The following DIAPH3 variants were observed in gnomAD, a reference collection of about 807,000 sequenced individuals.
DIAPH3 encodes the protein diaphanous related formin 3.
DIAPH3 carries 117 observed loss-of-function variants against 144.3 expected under a neutral mutation model. The observed-to-expected ratio is 0.81, with a 90% confidence interval of 0.70 to 0.95. The LOEUF (loss-of-function observed/expected upper bound fraction) is 0.95, where lower values mean the gene tolerates loss of function less well. Ranked by LOEUF, DIAPH3 falls within the 40% of genes least tolerant of loss-of-function variation. DIAPH3 has a pLI of 0.00. For synonymous variants in DIAPH3, 519 were observed against 488.9 expected, an observed-to-expected ratio of 1.06 and a Z score of -0.81; for missense variants, 1,421 against 1,412.7, an observed-to-expected ratio of 1.01 and a Z score of -0.09.
intron 27 of DIAPH3, among the ~76,000 whole-genome samples, chr13:59,767,394 A>G (rs2037910225): frequency 6.6e-6 from 1 of 152,328 alleles, no homozygotes; most frequent in Middle Eastern, 3.4e-3. Flanking sequence ...CAAATCAGTA[A>G]TCAAACGACA....
intron 24 of DIAPH3, among the ~76,000 whole-genome samples, chr13:59,813,614 C>T (rs1271904419): frequency 3.9e-5 from 6 of 152,002 alleles, no homozygotes; most frequent in South Asian, 2.1e-4. Flanking sequence ...CCAGCACTTT[C>T]GGAGGCCAAG....
At chr13:59,946,813 T>C (rs2048822070) in intron 17 of DIAPH3, among the ~76,000 whole-genome samples, 1 of 152,100 alleles carries the variant, frequency 6.6e-6, no homozygotes, top group South Asian at 2.1e-4. Context: ...TAAAATAAAA[T>C]GTAATACAAA....
chr13:60,044,938 C>T (rs2055960144), intron 4 of DIAPH3, among the ~76,000 whole-genome samples: 1 of 152,162 alleles, frequency 6.6e-6, no homozygotes, highest in African/African-American at 2.4e-5. Flanking sequence ...GCACTTCTTG[C>T]CTGCTGCCAT....
intron 1 of DIAPH3, among the ~76,000 whole-genome samples, chr13:60,134,624 T>C (rs985392689): frequency 2.6e-5 from 4 of 152,210 alleles, no homozygotes; most frequent in African/African-American, 7.2e-5. Flanking sequence ...CATTTCACTC[T>C]TGTTATTCCA....
Position 60,093,765 on chromosome 13 carries a change from A to AAGAT in DIAPH3, c.391-34_391-33insATCT, listed in dbSNP as rs769301480. On this transcript the variant is annotated intron_variant, in intron 3 of 27. Coordinates refer to ENST00000400324, the MANE Select transcript of DIAPH3 (RefSeq NM_001042517.2). ...ACACAATTAAAATGCCTCATTTTAG[A>AAGAT]ATCTAAGTAGAGCAGCAATTCTACA... is the stretch of plus-strand genomic sequence containing the variant. 7.1e-6 allele frequency: 10 copies of AAGAT among 1,402,272 alleles called. No homozygotes were observed. In the East Asian group the frequency reaches 2.3e-4, roughly 32 times the overall value. The allele number at this position is 1,402,272 out of a possible 1,614,324, so 86.9% of individuals were successfully genotyped here. A position where few individuals can be genotyped will look rare whatever the true frequency, so the allele number is the denominator to read the frequency against.
intron 27 of DIAPH3, among the ~76,000 whole-genome samples, chr13:59,738,766 T>C (rs931673954): frequency 1.3e-5 from 2 of 152,252 alleles, no homozygotes; most frequent in Non-Finnish European, 2.9e-5. Context: ...CACTTCTGCA[T>C]CTGTTCCAGT....
intron 27 of DIAPH3, among the ~76,000 whole-genome samples, chr13:59,769,972 A>G (rs2139248360): frequency 6.6e-6 from 1 of 152,242 alleles, no homozygotes; most frequent in East Asian, 1.9e-4. Context: ...ATCAACAAAT[A>G]CATTCTTTTG....
intron 27 of DIAPH3, among the ~76,000 whole-genome samples, chr13:59,699,277 T>C (rs2033977918): frequency 6.6e-6 from 1 of 152,180 alleles, no homozygotes; most frequent in Non-Finnish European, 1.5e-5. Context: ...TCTGTAGGAA[T>C]AGATGGAGTG....
intron 3 of DIAPH3, among the ~76,000 whole-genome samples, chr13:60,106,903 C>T (rs192670149): frequency 3.9e-4 from 59 of 152,212 alleles, no homozygotes; most frequent in African/African-American, 1.3e-3. Flanking sequence ...AATTAACCAG[C>T]CTGCAATCTT....
At chr13:59,971,732 A>G (rs893365464) in intron 15 of DIAPH3, among the ~76,000 whole-genome samples, 1 of 152,202 alleles carries the variant, frequency 6.6e-6, no homozygotes, top group Non-Finnish European at 1.5e-5. Flanking sequence ...TAGGACCTAT[A>G]TAAGTATATC....
intron 22 of DIAPH3, among the ~76,000 whole-genome samples, chr13:59,844,364 C>T (rs341509): frequency 0.57 from 86,637 of 151,532 alleles, 26,451 homozygotes; most frequent in Admixed American, 0.69. Context: ...ATTAGCCAGG[C>T]GTGGTGGCGA....
chr13:59,920,516 G>A (rs953476975), intron 18 of DIAPH3, among the ~76,000 whole-genome samples: 1 of 151,392 alleles, frequency 6.6e-6, no homozygotes, highest in African/African-American at 2.4e-5. Context: ...ATATATATGT[G>A]TATATGCATG....
At chr13:59,690,752 A>T (rs75688146) in intron 27 of DIAPH3, among the ~76,000 whole-genome samples, 1,815 of 152,306 alleles carry the variant, frequency 0.012, 33 homozygotes, top group African/African-American at 0.041. Flanking sequence ...TTGGTTGCTT[A>T]ATTCATGCAA....
At chr13:60,160,085 G>T (rs533190528) in intron 1 of DIAPH3, among the ~76,000 whole-genome samples, 2 of 152,106 alleles carry the variant, frequency 1.3e-5, no homozygotes, top group Non-Finnish European at 2.9e-5. Context: ...TTAGCCGGGC[G>T]TTGCGGTGGG....
chr13:59,883,763 T>A (rs2045243614), intron 20 of DIAPH3, among the ~76,000 whole-genome samples: 1 of 150,464 alleles, frequency 6.6e-6, no homozygotes. Context: ...ACAAACCATC[T>A]GGAACTCAAG....
At chr13:59,886,699 AT>A (rs1356859524) in intron 20 of DIAPH3, among the ~76,000 whole-genome samples, 1 of 151,984 alleles carries the variant, frequency 6.6e-6, no homozygotes, top group Non-Finnish European at 1.5e-5. Flanking sequence ...ATCCCAAAGT[AT>A]TTTTAGTTTT....
chr13:59,742,611 G>C (rs2036516558), intron 27 of DIAPH3, among the ~76,000 whole-genome samples: 2 of 132,376 alleles, frequency 1.5e-5, no homozygotes, highest in South Asian at 4.8e-4. Flanking sequence ...AGAAAGAAAA[G>C]AAGAAAAGAG....
chr13:60,078,997 G>C (rs1040618725), intron 4 of DIAPH3, among the ~76,000 whole-genome samples: 6 of 151,980 alleles, frequency 3.9e-5, no homozygotes, highest in African/African-American at 1.4e-4. Context: ...GGTCATTTGA[G>C]AACCCAGATC....
intron 24 of DIAPH3, among the ~76,000 whole-genome samples, chr13:59,830,525 G>A (rs1405512747): frequency 6.6e-6 from 1 of 151,750 alleles, no homozygotes; most frequent in African/African-American, 2.4e-5. Context: ...AGGACCCCAT[G>A]AGAACTCTGA....
Sources: gnomAD v4.1 joint callset for allele counts (sites outside exome capture counted in the v4.1 genomes callset) on GRCh38, gnomAD v4.1.1 for gene constraint, MANE v1.5 for transcripts, NCBI Gene and HGNC (gene_info 2026-07-23, HGNC 2026-07-21) for gene names.